DPYSL2: variants seen among roughly 807,000 people sequenced by gnomAD.
DPYSL2 encodes the protein dihydropyrimidinase like 2.
Under a neutral mutation model 69.9 loss-of-function variants are expected in DPYSL2, and 13 were observed. The ratio of observed to expected loss-of-function variants is 0.19; its 90% CI spans 0.12 to 0.30. DPYSL2 has a LOEUF of 0.30. Ranked by LOEUF, DPYSL2 falls within the 10% of genes least tolerant of loss-of-function variation. DPYSL2 has a pLI of 1.00. For synonymous variants in DPYSL2, 326 were observed against 359.1 expected, an observed-to-expected ratio of 0.91 and a Z score of 1.04; for missense variants, 587 against 918.9, an observed-to-expected ratio of 0.64 and a Z score of 4.67.
intron 1 of DPYSL2, among the ~76,000 whole-genome samples, chr8:26,572,654 C>T (rs1349723791): frequency 6.6e-6 from 1 of 152,152 alleles, no homozygotes; most frequent in African/African-American, 2.4e-5. Context: ...CGTCCCCTAC[C>T]ACGCCCAGCT....
At chr8:26,639,288 T>C (rs1563422512) in intron 8 of DPYSL2, among the ~76,000 whole-genome samples, 1 of 152,194 alleles carries the variant, frequency 6.6e-6, no homozygotes. Flanking sequence ...TAAAGAATTA[T>C]ATTTAAGGAA....
rs140217032 is a variant in DPYSL2 at position 26,560,161 on chromosome 8, C to A, written c.355-21808C>A. 1.5e-3 allele frequency among the ~76,000 whole-genome samples: 224 copies of A among 152,282 alleles called. No individual in the cohort carries two copies. Among genetic ancestry groups the A allele is most frequent in the Middle Eastern group, 3.4e-3 (1 of 294 alleles). On this transcript the variant is annotated intron_variant, in intron 1 of 13. Transcript: ENST00000521913. The surrounding 1 kb of genome is among the most constrained non-coding windows in gnomAD (Gnocchi z 4.4). ...TGTAATAATTAATCAGGAGCAGACG[C>A]GACCATTCCCGACGGCCTTGGCAGC... is the stretch of plus-strand genomic sequence containing the variant.
intron 1 of DPYSL2, among the ~76,000 whole-genome samples, chr8:26,543,604 C>T (rs1271082784): frequency 6.6e-6 from 1 of 151,834 alleles, no homozygotes; most frequent in African/African-American, 2.4e-5. Context: ...TCTCCTGCTT[C>T]AGCCTCCCAA....
intron 1 of DPYSL2, among the ~76,000 whole-genome samples, chr8:26,538,099 A>G (rs897798227): frequency 4.6e-5 from 7 of 152,144 alleles, no homozygotes; most frequent in African/African-American, 1.7e-4. Flanking sequence ...CAGGATGTCA[A>G]TTTATCCCAT....
rs1034162105 is a variant in DPYSL2 at position 26,578,175 on chromosome 8, C to CA, written c.355-3786dup. The CA allele has an allele frequency of 1.0e-4, 163 of 1,605,078 alleles. No homozygotes were observed. The South Asian group carries it at 1.4e-3, about 14-fold the overall frequency. On this transcript the variant is annotated intron_variant, in intron 1 of 13. Coordinates refer to ENST00000521913, the MANE Select transcript of DPYSL2 (RefSeq NM_001197293.3). ...TGCAAAGGAAAAAAACAAAACAAAACAAAAAAAACCCAAGTCCCCTTCCCG... is the reference window on the plus strand; with the variant it reads ...TGCAAAGGAAAAAAACAAAACAAAACAAAAAAAAACCCAAGTCCCCTTCCCG...
chr8:26,569,372 AAAAAC>A (rs1379549435), intron 1 of DPYSL2, among the ~76,000 whole-genome samples: 5 of 127,180 alleles, frequency 3.9e-5, no homozygotes, highest in African/African-American at 1.5e-4. Flanking sequence ...AAACAAAAAC[AAAAAC>A]AAAAAAAAAC....
chr8:26,580,216 AT>A lies in DPYSL2; in HGVS notation c.355-1750del, dbSNP rs1801461374. 6.6e-6 allele frequency among the ~76,000 whole-genome samples: 1 copy of A among 152,052 alleles called. No homozygotes were observed. The highest frequency in any genetic ancestry group is 1.5e-5 in the Non-Finnish European group (1 of 68,010). ...GGCCTCTCCTTGCCTTCCAGGTGAT[AT>A]TTATTCCATGGAAGCTTAGAGATCT... On this transcript the variant is annotated intron_variant, in intron 1 of 13. Transcript: ENST00000521913. The surrounding 1 kb of genome is among the most constrained non-coding windows in gnomAD (Gnocchi z 4.1).
chr8:26,535,648 G>A (rs973308033), intron 1 of DPYSL2, among the ~76,000 whole-genome samples: 3 of 148,152 alleles, frequency 2.0e-5, no homozygotes, highest in Admixed American at 6.8e-5. Flanking sequence ...TTTTTTTTCA[G>A]TGTAGGGAGC....
intron 1 of DPYSL2, among the ~76,000 whole-genome samples, chr8:26,573,759 C>T (rs2129698061): frequency 6.8e-6 from 1 of 148,146 alleles, no homozygotes; most frequent in Admixed American, 6.8e-5. Flanking sequence ...ATCACTTGAA[C>T]CTGGGAGGCA....
chr8:26,627,770 A>G lies in DPYSL2; in HGVS notation c.937-102A>G. On this transcript the variant is annotated intron_variant, in intron 6 of 13. Transcript: ENST00000521913. The surrounding 1 kb of genome is among the most constrained non-coding windows in gnomAD (Gnocchi z 6.9). The stretch of plus-strand genomic sequence containing the variant: ...TGAGGGCAGAACGATCGGCAGTGGT[A>G]ATTTTCCATCTTGCCCGGATAACTG... The G allele has an allele frequency of 8.4e-7, 1 of 1,188,990 alleles. No individual in the cohort carries two copies. The highest frequency in any genetic ancestry group is 1.2e-6 in the Non-Finnish European group (1 of 824,978). The allele number at this position is 1,188,990 out of a possible 1,614,324, so 73.7% of individuals were successfully genotyped here.
At chr8:26,572,287 C>T (rs535978250) in intron 1 of DPYSL2, among the ~76,000 whole-genome samples, 2 of 152,186 alleles carry the variant, frequency 1.3e-5, no homozygotes, top group African/African-American at 2.4e-5. Context: ...GAACACGTTC[C>T]GGGCAGATGC....
chr8:26,527,617 T>TG (rs1006102548), intron 1 of DPYSL2, among the ~76,000 whole-genome samples: 2 of 152,012 alleles, frequency 1.3e-5, no homozygotes, highest in Non-Finnish European at 2.9e-5. Context: ...AAAAATGAAT[T>TG]GGGGGGGCTG....
chr8:26,523,135 A>G (rs1243514856), intron 1 of DPYSL2, among the ~76,000 whole-genome samples: 1 of 151,568 alleles, frequency 6.6e-6, no homozygotes. Flanking sequence ...ATATATATGT[A>G]TGTATACAGA....
rs762222908 is a variant in DPYSL2, at chr8:26,653,402, G to C, written c.1942+5G>C. 2 of 1,611,542 alleles carry C rather than the reference G, an allele frequency of 1.2e-6. No individual in the cohort carries two copies. The highest frequency in any genetic ancestry group is 1.7e-5 in the Admixed American group (1 of 59,794). Reference sequence around the variant, plus strand: ...AGTCTGGATTCAGTTTGTCTGGTAGGGTTGGGGCTTGGGGAGGGCACAGTT... The same window carrying C: ...AGTCTGGATTCAGTTTGTCTGGTAGCGTTGGGGCTTGGGGAGGGCACAGTT... On this transcript the variant is annotated splice_donor_5th_base_variant and intron_variant, in intron 13 of 13. Coordinates refer to ENST00000521913, the MANE Select transcript of DPYSL2 (RefSeq NM_001197293.3). The surrounding 1 kb of genome is among the most constrained non-coding windows in gnomAD (Gnocchi z 5.7).
intron 1 of DPYSL2, among the ~76,000 whole-genome samples, chr8:26,542,281 T>G (rs1053198716): frequency 6.6e-6 from 1 of 152,102 alleles, no homozygotes; most frequent in Non-Finnish European, 1.5e-5. Flanking sequence ...CTGAGTGACC[T>G]TGTTTCAAAA....
At chr8:26,543,574 G>T (rs1800718460) in intron 1 of DPYSL2, among the ~76,000 whole-genome samples, 2 of 151,114 alleles carry the variant, frequency 1.3e-5, no homozygotes, top group South Asian at 4.2e-4. Flanking sequence ...TACAACCTCT[G>T]CCTCCAGGGT....
chr8:26,600,888 C>G (rs1472371136), intron 3 of DPYSL2, among the ~76,000 whole-genome samples: 1 of 152,190 alleles, frequency 6.6e-6, no homozygotes, highest in Non-Finnish European at 1.5e-5. Flanking sequence ...CTTTTGTGAG[C>G]CTTCTTCTTT....
intron 1 of DPYSL2, among the ~76,000 whole-genome samples, chr8:26,526,178 G>T (rs550585340): frequency 5.9e-5 from 9 of 151,894 alleles, no homozygotes; most frequent in African/African-American, 2.2e-4. Flanking sequence ...CACTGCAACC[G>T]CTGCCTCCTG....
At chr8:26,543,430 A>AT (rs1010743186) in intron 1 of DPYSL2, among the ~76,000 whole-genome samples, 4 of 151,838 alleles carry the variant, frequency 2.6e-5, no homozygotes, top group Admixed American at 6.6e-5. Context: ...TCCAAGCTTC[A>AT]TTTTTTGTAT....
Sources: allele counts gnomAD v4.1 joint callset (sites outside exome capture counted in the v4.1 genomes callset), GRCh38; gene constraint gnomAD v4.1.1; non-coding constraint Gnocchi (gnomAD v3.1); transcripts MANE v1.5; gene names NCBI Gene and HGNC (gene_info 2026-07-23, HGNC 2026-07-21).